The following EPHA6 variants were observed in gnomAD, a reference collection of about 807,000 sequenced individuals.
EPHA6 encodes the protein EPH receptor A6.
Under a neutral mutation model 112.0 loss-of-function variants are expected in EPHA6, and 50 were observed. That is an observed-to-expected ratio of 0.45 (90% CI 0.36 to 0.56). EPHA6 has a LOEUF of 0.56. Among genes scored for constraint, EPHA6 ranks in the 20% least tolerant of loss-of-function variants. The probability of loss-of-function intolerance (pLI) is 0.00; values close to 1 mark genes in which losing one functional copy is unlikely to be tolerated. For synonymous variants in EPHA6, 529 were observed against 490.7 expected, an observed-to-expected ratio of 1.08 and a Z score of -1.03; for missense variants, 1,280 against 1,417.4, an observed-to-expected ratio of 0.90 and a Z score of 1.56.
chr3:97,497,786 C>T (rs2092017372), intron 10 of EPHA6, among the ~76,000 whole-genome samples: 1 of 151,348 alleles, frequency 6.6e-6, no homozygotes, highest in African/African-American at 2.4e-5. Flanking sequence ...TGATGGAATG[C>T]TGAAAAGAAT....
chr3:97,066,836 A>T (rs953218661), intron 3 of EPHA6, among the ~76,000 whole-genome samples: 1 of 152,224 alleles, frequency 6.6e-6, no homozygotes. Context: ...TTCCTTGAGT[A>T]TGCTCAGATG....
At chr3:97,709,569 G>A (rs188403519) in intron 14 of EPHA6, among the ~76,000 whole-genome samples, 8 of 152,330 alleles carry the variant, frequency 5.3e-5, no homozygotes, top group Admixed American at 2.0e-4. Flanking sequence ...TTACAACTTC[G>A]AGTGACTATT....
intron 4 of EPHA6, among the ~76,000 whole-genome samples, chr3:97,236,965 T>G (rs1321864699): frequency 2.0e-5 from 3 of 151,810 alleles, no homozygotes; most frequent in Admixed American, 6.6e-5. Context: ...TATCTCTTCT[T>G]CCCCCGCCAT....
At chr3:97,540,848 C>A (rs1330496162) in intron 11 of EPHA6, among the ~76,000 whole-genome samples, 4 of 152,094 alleles carry the variant, frequency 2.6e-5, no homozygotes, top group Non-Finnish European at 5.9e-5. Flanking sequence ...AATAAAAAAT[C>A]TCTCCCAAAT....
At chr3:97,110,778 C>T (rs1356560469) in intron 3 of EPHA6, among the ~76,000 whole-genome samples, 1 of 152,020 alleles carries the variant, frequency 6.6e-6, no homozygotes, top group Non-Finnish European at 1.5e-5. Flanking sequence ...ATCCACCTGC[C>T]TTGGTCTCCC....
At chr3:97,159,304 G>A (rs2076359956) in intron 3 of EPHA6, among the ~76,000 whole-genome samples, 1 of 152,096 alleles carries the variant, frequency 6.6e-6, no homozygotes, top group South Asian at 2.1e-4. Flanking sequence ...TGAGCCAGAG[G>A]CATGAGAAGC....
chr3:96,880,924 A>G (rs1576223097), intron 2 of EPHA6, among the ~76,000 whole-genome samples: 1 of 152,196 alleles, frequency 6.6e-6, no homozygotes, highest in Non-Finnish European at 1.5e-5. Context: ...CCATTTATAT[A>G]TTAATGAACA....
chr3:97,573,881 C>G (rs2093357792), intron 11 of EPHA6, among the ~76,000 whole-genome samples: 1 of 151,466 alleles, frequency 6.6e-6, no homozygotes, highest in African/African-American at 2.4e-5. Context: ...TAATATTAAT[C>G]AAGAAAGCCC....
chr3:97,146,567 A>G (rs189358314), intron 3 of EPHA6, among the ~76,000 whole-genome samples: 71 of 151,990 alleles, frequency 4.7e-4, no homozygotes, highest in African/African-American at 1.5e-3. Flanking sequence ...TTCTTAATCC[A>G]TGACTCTTGT....
intron 5 of EPHA6, among the ~76,000 whole-genome samples, chr3:97,309,195 C>T (rs142932952): frequency 1.3e-5 from 2 of 151,544 alleles, no homozygotes; most frequent in Non-Finnish European, 3.0e-5. Flanking sequence ...TTATTTCTAA[C>T]ACAGTCTGAC....
chr3:97,028,048 G>T (rs1439139997), intron 3 of EPHA6, among the ~76,000 whole-genome samples: 1 of 152,082 alleles, frequency 6.6e-6, no homozygotes, highest in African/African-American at 2.4e-5. Flanking sequence ...CATCATTTAA[G>T]AATTTTGATG....
intron 3 of EPHA6, among the ~76,000 whole-genome samples, chr3:97,127,419 G>T (rs2048212591): frequency 6.6e-6 from 1 of 152,022 alleles, no homozygotes; most frequent in Non-Finnish European, 1.5e-5. Flanking sequence ...AAGGGCTGGG[G>T]CAAGAGAATG....
chr3:97,723,675 G>A (rs2034628916), intron 15 of EPHA6, among the ~76,000 whole-genome samples: 1 of 151,256 alleles, frequency 6.6e-6, no homozygotes, highest in East Asian at 1.9e-4. Context: ...TCTGGGAAAA[G>A]GGGAAAAAAG....
chr3:97,714,251 G>C (rs1263194989), intron 14 of EPHA6, among the ~76,000 whole-genome samples: 1 of 152,196 alleles, frequency 6.6e-6, no homozygotes, highest in Admixed American at 6.5e-5. Flanking sequence ...TGTACACTGG[G>C]TGCTGGCTGC....
At chr3:97,277,923 G>T (rs1476743881) in intron 5 of EPHA6, among the ~76,000 whole-genome samples, 1 of 152,140 alleles carries the variant, frequency 6.6e-6, no homozygotes, top group Non-Finnish European at 1.5e-5. Context: ...TAAAAAGAAA[G>T]TAATTATGCT....
intron 2 of EPHA6, among the ~76,000 whole-genome samples, chr3:96,934,629 G>T (rs567875815): frequency 2.0e-5 from 3 of 151,088 alleles, no homozygotes; most frequent in African/African-American, 7.2e-5. Flanking sequence ...TGGTGATTGG[G>T]TACAGGAATA....
intron 1 of EPHA6, among the ~76,000 whole-genome samples, chr3:96,849,883 C>T (rs1480630469): frequency 6.6e-6 from 1 of 152,098 alleles, no homozygotes; most frequent in Non-Finnish European, 1.5e-5. Flanking sequence ...GCATGCTTAG[C>T]AGAGTGCCTG....
chr3:97,637,148 TG>T (rs1231984805), intron 13 of EPHA6, among the ~76,000 whole-genome samples: 1 of 152,298 alleles, frequency 6.6e-6, no homozygotes, highest in East Asian at 1.9e-4. Flanking sequence ...AAGATGGGAT[TG>T]ATTAGTTAAA....
chr3:97,712,122 T>G (rs1014633995), intron 14 of EPHA6, among the ~76,000 whole-genome samples: 1 of 152,228 alleles, frequency 6.6e-6, no homozygotes, highest in African/African-American at 2.4e-5. Flanking sequence ...TCACTCCCCT[T>G]TATGATTTAT....
Sources: allele counts gnomAD v4.1 joint callset (sites outside exome capture counted in the v4.1 genomes callset), GRCh38; gene constraint gnomAD v4.1.1; transcripts MANE v1.5; gene names NCBI Gene and HGNC (gene_info 2026-07-23, HGNC 2026-07-21).